USP45: variants seen among roughly 807,000 people sequenced by gnomAD.
The protein encoded by USP45 is ubiquitin specific peptidase 45.
In USP45, 89 loss-of-function variants were observed where a neutral mutation model predicts 95.8. The ratio of observed to expected loss-of-function variants is 0.93; its 90% confidence interval spans 0.78 to 1.11. The LOEUF is 1.11. Among genes scored for constraint, USP45 ranks in the 50% least tolerant of loss-of-function variants. The pLI is 0.00. For synonymous variants in USP45, 281 were observed against 316.2 expected (o/e 0.89, Z 1.18); for missense variants, 898 against 942.5 (o/e 0.95, Z 0.62).
intron 14 of USP45, among the ~76,000 whole-genome samples, chr6:99,444,920 AATAATAAAGCCTAC>A (rs1377747316): frequency 6.6e-6 from 1 of 152,194 alleles, no homozygotes; most frequent in East Asian, 1.9e-4. Context: ...ACCGTACCTG[AATAATAAAGCCTAC>A]ATTTTAAAAC....
chr6:99,452,922 C>G (rs563319157), intron 13 of USP45, among the ~76,000 whole-genome samples: 8 of 152,056 alleles, frequency 5.3e-5, no homozygotes, highest in Non-Finnish European at 1.2e-4. Flanking sequence ...CAAACTATCA[C>G]AAGAACAAAA....
intron 8 of USP45, among the ~76,000 whole-genome samples, chr6:99,480,705 A>C (rs1374880897): frequency 6.6e-6 from 1 of 152,000 alleles, no homozygotes; most frequent in Non-Finnish European, 1.5e-5. Context: ...GAAAAGGATG[A>C]CCAAAATTTG....
chr6:99,488,058 T>G, intron 7 of USP45, 142 bp downstream of exon 7: 1 of 624,710 alleles, frequency 1.6e-6, no homozygotes, highest in South Asian at 2.0e-5. Flanking sequence ...TAAATCTGAT[T>G]ATTTTCACAG....
At chr6:99,488,566 C>A in intron 6 of USP45, 115 bp downstream of exon 6, 2 of 1,201,196 alleles carry the variant, frequency 1.7e-6, no homozygotes, top group Admixed American at 2.5e-5. Context: ...AAAAGGAAAA[C>A]AGAGAAATTT....
At chr6:99,512,376 A>G (rs1489184326) in intron 1 of USP45, among the ~76,000 whole-genome samples, 1 of 152,194 alleles carries the variant, frequency 6.6e-6, no homozygotes, top group African/African-American at 2.4e-5. Flanking sequence ...AAAGTTATAT[A>G]ATGTCTCACA....
chr6:99,486,040 T>TG (rs763421313), intron 7 of USP45, among the ~76,000 whole-genome samples: 2 of 152,234 alleles, frequency 1.3e-5, no homozygotes, highest in Non-Finnish European at 2.9e-5. Context: ...GGGAGAAGGC[T>TG]GAATGTTTGT....
At chr6:99,515,591 C>T (rs940914813), upstream of USP45, 2 of 152,184 alleles carry the variant, frequency 1.3e-5, no homozygotes, top group African/African-American at 2.4e-5. Context: ...TTCTGCGTGT[C>T]CGCAGAGCCC....
At chr6:99,493,107 A>G (rs1795550742) in intron 5 of USP45, among the ~76,000 whole-genome samples, 1 of 151,734 alleles carries the variant, frequency 6.6e-6, no homozygotes, top group Non-Finnish European at 1.5e-5. Context: ...TGGCACTGCA[A>G]CCTCCGCTCC....
At chr6:99,517,098 G>A (rs973568203), upstream of USP45, among the ~76,000 whole-genome samples, 1 of 151,904 alleles carries the variant, frequency 6.6e-6, no homozygotes, top group Non-Finnish European at 1.5e-5. Flanking sequence ...ATAAATTAAG[G>A]AAAATTCTCT....
intron 5 of USP45, chr6:99,501,653 G>A (rs1797388651): frequency 6.1e-6 from 1 of 163,696 alleles, no homozygotes; most frequent in South Asian, 1.7e-4. Flanking sequence ...TAATACTACA[G>A]ACCAAATAAA....
intron 13 of USP45, among the ~76,000 whole-genome samples, chr6:99,464,135 C>T (rs1394509005): frequency 6.6e-6 from 1 of 151,700 alleles, no homozygotes; most frequent in Non-Finnish European, 1.5e-5. Flanking sequence ...GGTGAAACCC[C>T]GTCTCTATTA....
intron 9 of USP45, among the ~76,000 whole-genome samples, chr6:99,475,030 C>T (rs1790454148): frequency 6.6e-6 from 1 of 152,116 alleles, no homozygotes; most frequent in African/African-American, 2.4e-5. Flanking sequence ...TCTCTCCTAG[C>T]CACAAACAAC....
At chr6:99,506,901 A>C (rs1798649053) in intron 4 of USP45, among the ~76,000 whole-genome samples, 1 of 152,186 alleles carries the variant, frequency 6.6e-6, no homozygotes, top group African/African-American at 2.4e-5. Flanking sequence ...TTATACAAGG[A>C]AAATGATAGA....
intron 11 of USP45, among the ~76,000 whole-genome samples, 181 bp downstream of exon 11, chr6:99,466,491 T>C (rs1272104288): frequency 6.6e-6 from 1 of 152,216 alleles, no homozygotes; most frequent in African/African-American, 2.4e-5. Context: ...CTTTTAAAAA[T>C]ATATAAATTA....
chr6:99,501,013 C>A lies in USP45; in HGVS notation c.478+2752G>T, dbSNP rs893217773. Among the ~76,000 whole-genome samples, 6 of 152,168 alleles carry A rather than the reference C, an allele frequency of 3.9e-5. No homozygotes were observed. The South Asian group carries it at 1.2e-3, about 32-fold the overall frequency. ...TATAGCTTTTCAGTTTCTGATGCCA[C>A]CTACTAAGCAATTCAATTCTGCTTC... On this transcript the variant is annotated intron_variant, in intron 5 of 17. Coordinates refer to ENST00000500704, the MANE Select transcript of USP45 (RefSeq NM_001346022.3).
chr6:99,456,905 T>C (rs1785212269), intron 13 of USP45, among the ~76,000 whole-genome samples: 1 of 152,244 alleles, frequency 6.6e-6, no homozygotes, highest in African/African-American at 2.4e-5. Context: ...GAAATATCGC[T>C]GAATTCTTTT....
chr6:99,508,725 G>A lies in USP45; in HGVS notation c.158C>T (p.Ala53Val), dbSNP rs1799080278. The A allele has an allele frequency of 6.2e-7, 1 of 1,613,484 alleles. No individual in the cohort carries two copies. The highest frequency in any genetic ancestry group is 1.7e-5 in the Admixed American group (1 of 59,948). ...AACTGACCACAGATTCTCAGCTATT[G>A]CTCTCTTTACATGATTCACGCTGAT... ...HAISVNHVKR[A>V]IAENLWSVCS... The change falls in exon 3 of 18, where the codon GCA (alanine) becomes GTA (valine). Residue 53 changes from alanine to valine, a missense_variant. Transcript: ENST00000500704.
intron 7 of USP45, among the ~76,000 whole-genome samples, chr6:99,486,971 T>C (rs1441172416): frequency 6.6e-6 from 1 of 152,084 alleles, no homozygotes; most frequent in Non-Finnish European, 1.5e-5. Flanking sequence ...CTTGTGGCAG[T>C]GAGGGAGATC....
chr6:99,479,034 GT>G (rs1791627001), intron 8 of USP45, among the ~76,000 whole-genome samples: 1 of 151,640 alleles, frequency 6.6e-6, no homozygotes, highest in Non-Finnish European at 1.5e-5. Flanking sequence ...CAGGTAAGGG[GT>G]ATACCACCCA....
Sources: gnomAD v4.1 joint callset for allele counts (sites outside exome capture counted in the v4.1 genomes callset) on GRCh38, gnomAD v4.1.1 for gene constraint, MANE v1.5 for transcripts, NCBI Gene and HGNC (gene_info 2026-07-23, HGNC 2026-07-21) for gene names.